The following SDCCAG8 variants were observed in gnomAD, a reference collection of about 807,000 sequenced individuals.
The protein encoded by SDCCAG8 is serologically defined colon cancer antigen 8.
In SDCCAG8, 74 loss-of-function variants were observed where a neutral mutation model predicts 101.8. That is an observed-to-expected ratio of 0.73 (90% confidence interval 0.60 to 0.88). The LOEUF (loss-of-function observed/expected upper bound fraction) is 0.88, where lower values mean the gene tolerates loss of function less well. Ranked by LOEUF, SDCCAG8 falls within the 40% of genes least tolerant of loss-of-function variation. The pLI is 0.00. For synonymous variants in SDCCAG8, 281 were observed against 292.9 expected (o/e 0.96, Z 0.41); for missense variants, 787 against 822.6 (o/e 0.96, Z 0.53).
intron 5 of SDCCAG8, among the ~76,000 whole-genome samples, chr1:243,291,051 C>T (rs184262818): frequency 6.6e-6 from 1 of 152,304 alleles, no homozygotes; most frequent in Non-Finnish European, 1.5e-5. Context: ...ATAAAATAGA[C>T]TGTCAGAGTA....
At chr1:243,371,150 G>C (rs974143907) in intron 12 of SDCCAG8, among the ~76,000 whole-genome samples, 1 of 152,074 alleles carries the variant, frequency 6.6e-6, no homozygotes, top group African/African-American at 2.4e-5. Flanking sequence ...ATGTCATCTG[G>C]GTTGTATCTT....
intron 17 of SDCCAG8, among the ~76,000 whole-genome samples, chr1:243,499,021 G>A (rs1019687140): frequency 9.9e-5 from 15 of 152,210 alleles, no homozygotes; most frequent in Admixed American, 7.2e-4. Flanking sequence ...CATGCTTTGT[G>A]GAGTGGAAAC....
At position 243,489,034 on chromosome 1, in the gene SDCCAG8, A is replaced by G; in HGVS notation, c.2006A>G (p.His669Arg). 6.2e-7 allele frequency: 1 copy of G among 1,613,400 alleles called. No individual in the cohort carries two copies. Residue 669 changes from histidine (H) to arginine (R), a missense_variant, in exon 17 of 18, where the codon CAC becomes CGC. His to Arg is a conservative substitution (Grantham distance 29). Coordinates refer to ENST00000366541, the MANE Select transcript of SDCCAG8 (RefSeq NM_006642.5). Reference sequence around the variant, plus strand: ...TCCAGGCTAAGGCAGCTGGATAAGCACAGCCAGGCCACAGCCCAGCAGCTG... The same window carrying G: ...TCCAGGCTAAGGCAGCTGGATAAGCGCAGCCAGGCCACAGCCCAGCAGCTG... ...MKQRLRQLDK[H>R]SQATAQQLVQ... is the part of the protein sequence containing the mutation.
chr1:243,265,551 T>C (rs907744916), intron 1 of SDCCAG8, among the ~76,000 whole-genome samples: 2 of 152,194 alleles, frequency 1.3e-5, no homozygotes, highest in African/African-American at 4.8e-5. Flanking sequence ...GGTGGCTCAC[T>C]CCTGTAATCC....
chr1:243,439,514 A>G (rs887965287), intron 16 of SDCCAG8, among the ~76,000 whole-genome samples: 1 of 151,714 alleles, frequency 6.6e-6, no homozygotes, highest in African/African-American at 2.4e-5. Context: ...AATCCCATCT[A>G]CTCCAGAGGC....
Position 243,388,240 on chromosome 1 carries a change from A to G in SDCCAG8, c.1616+9377A>G, listed in dbSNP as rs554607030. Reference sequence around the variant, plus strand: ...GCTCAATTTCTATCTGAATTTTGCTAATTCTTTCAGATTCTTTCATACCAT... The same window carrying G: ...GCTCAATTTCTATCTGAATTTTGCTGATTCTTTCAGATTCTTTCATACCAT... On this transcript the variant is annotated intron_variant, in intron 13 of 17. Transcript: ENST00000366541. Among the ~76,000 whole-genome samples, 3 of 152,334 alleles carry G rather than the reference A, an allele frequency of 2.0e-5. No individual in the cohort carries two copies. In the South Asian group the frequency reaches 6.2e-4, roughly 32 times the overall value.
chr1:243,481,502 A>C (rs1663748599), intron 16 of SDCCAG8, among the ~76,000 whole-genome samples: 1 of 152,248 alleles, frequency 6.6e-6, no homozygotes, highest in South Asian at 2.1e-4. Context: ...TTGGGCATTT[A>C]GTAAATGCTC....
chr1:243,443,775 CG>C (rs1397150185), intron 16 of SDCCAG8, among the ~76,000 whole-genome samples: 1 of 152,082 alleles, frequency 6.6e-6, no homozygotes, highest in East Asian at 1.9e-4. Context: ...GAATAGAAAC[CG>C]GATGTTTAAA....
intron 5 of SDCCAG8, among the ~76,000 whole-genome samples, chr1:243,289,538 G>A (rs996221119): frequency 1.8e-4 from 27 of 152,164 alleles, no homozygotes; most frequent in Admixed American, 1.6e-3. Flanking sequence ...TATAATGTGC[G>A]AGGCACTGTG....
chr1:243,274,681 A>G lies in SDCCAG8; in HGVS notation c.420+25A>G, dbSNP rs774839521. 4.5e-5 allele frequency: 60 copies of G among 1,327,088 alleles called. 1 individual carries two copies. The South Asian group carries it at 7.0e-4, about 15-fold the overall frequency. 82.2% of individuals were successfully genotyped at this position (1,327,088 alleles called of 1,614,324 possible). On this transcript the variant is annotated intron_variant, in intron 4 of 17. Transcript: ENST00000366541. Reference sequence around the variant, plus strand: ...GGTAAGTTTCTCATTAAGAATTTAAAACTAAATAAATGAAAGCTTATATTA... The same window carrying G: ...GGTAAGTTTCTCATTAAGAATTTAAGACTAAATAAATGAAAGCTTATATTA...
intron 9 of SDCCAG8, among the ~76,000 whole-genome samples, chr1:243,328,507 C>G (rs796072457): frequency 3.2e-4 from 48 of 152,028 alleles, no homozygotes; most frequent in African/African-American, 1.1e-3. Context: ...AACCTCCTGA[C>G]CTCAAGCAAT....
rs552907904 is a variant in SDCCAG8 at position 243,447,019 on chromosome 1, AG to A, written c.1985+20463del. On this transcript the variant is annotated intron_variant, in intron 16 of 17. Coordinates refer to ENST00000366541, the MANE Select transcript of SDCCAG8 (RefSeq NM_006642.5). Reference sequence around the variant, plus strand: ...GTAATCCCAGCACTTTGGGAGGCTGAGGCGGGCAGATCACCTGAGTTCAGGA... The same window carrying A: ...GTAATCCCAGCACTTTGGGAGGCTGAGCGGGCAGATCACCTGAGTTCAGGA... Among the ~76,000 whole-genome samples the A allele has an allele frequency of 3.0e-4, 45 of 152,242 alleles. 1 individual carries two copies. The South Asian group carries it at 9.1e-3, about 31-fold the overall frequency.
At chr1:243,480,641 G>T (rs1425902861) in intron 16 of SDCCAG8, among the ~76,000 whole-genome samples, 3 of 45,702 alleles carry the variant, frequency 6.6e-5, no homozygotes, top group Non-Finnish European at 8.4e-5. Context: ...GGATGGGTGT[G>T]ATGGATGGAT....
At chr1:243,341,200 G>T (rs369222444) in intron 11 of SDCCAG8, 27 bp downstream of exon 11, 1 of 1,610,952 alleles carries the variant, frequency 6.2e-7, no homozygotes, top group African/African-American at 1.3e-5. Context: ...TAGTGTAATC[G>T]TTACTTAAGG....
chr1:243,431,002 G>T (rs1251438742), intron 16 of SDCCAG8, among the ~76,000 whole-genome samples: 2 of 151,608 alleles, frequency 1.3e-5, no homozygotes, highest in Non-Finnish European at 2.9e-5. Context: ...TTCGAGACCA[G>T]CCTGGCCAAC....
At chr1:243,348,037 CTTT>C (rs1181379015) in intron 12 of SDCCAG8, among the ~76,000 whole-genome samples, 1 of 103,380 alleles carries the variant, frequency 9.7e-6, no homozygotes. Flanking sequence ...TTTTTTTTTT[CTTT>C]TTTTTTTTTT....
intron 15 of SDCCAG8, 45 bp from the exon 16 acceptor site, chr1:243,426,381 TA>T: frequency 1.3e-6 from 2 of 1,531,486 alleles, no homozygotes. Context: ...TATGCCCTAG[TA>T]ATAAGAACTT....
rs2076318125 is a variant in SDCCAG8, at chr1:243,355,271, C to T, written c.1473+10940C>T. Among the ~76,000 whole-genome samples, 5 of 151,992 alleles carry T rather than the reference C, an allele frequency of 3.3e-5. No homozygotes were observed. The South Asian group carries it at 1.0e-3, about 32-fold the overall frequency. Reference sequence around the variant, plus strand: ...TTTCCTATAGGAATGGAAAATTCTTCTTTGTATAAAATCTCTCTACTTACA... The same window carrying T: ...TTTCCTATAGGAATGGAAAATTCTTTTTTGTATAAAATCTCTCTACTTACA... On this transcript the variant is annotated intron_variant, in intron 12 of 17. Coordinates refer to ENST00000366541, the MANE Select transcript of SDCCAG8 (RefSeq NM_006642.5).
At chr1:243,430,194 G>A (rs925542331) in intron 16 of SDCCAG8, among the ~76,000 whole-genome samples, 4 of 152,106 alleles carry the variant, frequency 2.6e-5, no homozygotes, top group Non-Finnish European at 5.9e-5. Context: ...GAATCGGTAA[G>A]CAGTGGGATT....
Sources: gnomAD v4.1 joint callset for allele counts (sites outside exome capture counted in the v4.1 genomes callset) on GRCh38, gnomAD v4.1.1 for gene constraint, MANE v1.5 for transcripts, NCBI Gene and HGNC (gene_info 2026-07-23, HGNC 2026-07-21) for gene names.